Variants in KIF5C observed in about 807,000 individuals in gnomAD.
The protein encoded by KIF5C is kinesin heavy chain isoform 5C.
A neutral mutation model predicts 125.2 loss-of-function variants in KIF5C; 18 were observed. The observed-to-expected ratio is 0.14, with a 90% CI of 0.10 to 0.21. The LOEUF (loss-of-function observed/expected upper bound fraction) is 0.21. Among genes scored for constraint, KIF5C ranks in the 10% least tolerant of loss-of-function variants. The pLI is 1.00. For missense variants in KIF5C, 780 were observed against 1,183.8 expected, an observed-to-expected ratio of 0.66 and a Z score of 5.01; for synonymous variants, 405 against 434.0, an observed-to-expected ratio of 0.93 and a Z score of 0.83.
chr2:148,965,708 G>T (rs1470277141), intron 11 of KIF5C, among the ~76,000 whole-genome samples: 1 of 152,182 alleles, frequency 6.6e-6, no homozygotes, highest in African/African-American at 2.4e-5. Flanking sequence ...AGTAGCTCTT[G>T]TGACCATGAA....
intron 8 of KIF5C, 55 bp from the exon 9 acceptor site, chr2:148,949,784 T>C (rs751231072): frequency 1.7e-5 from 26 of 1,572,900 alleles, no homozygotes; most frequent in Non-Finnish European, 2.2e-5. Flanking sequence ...TTGAAATTTC[T>C]ACTTTGTGCT....
chr2:148,949,071 C>T (rs1682594316), intron 8 of KIF5C, among the ~76,000 whole-genome samples: 1 of 152,114 alleles, frequency 6.6e-6, no homozygotes, highest in Admixed American at 6.6e-5. Flanking sequence ...AGCTGCTCCC[C>T]CTGCATCGTT....
At position 148,946,930 on chromosome 2, in the gene KIF5C, T is replaced by C. The variant is rs761435414; in HGVS notation, c.621T>C (p.Ser207=). ...ATGAACACAGCTCTAGAAGTCACAG[T>C]ATCTTCCTGATAAATATTAAACAAG... ...NMNEHSSRSH[S]IFLINIKQEN... The change falls in exon 8 of 26, where the codon AGT becomes AGC. Residue 207 remains serine (S), a synonymous_variant. Coordinates refer to ENST00000435030, the MANE Select transcript of KIF5C (RefSeq NM_004522.3). 1 of 1,613,414 alleles carries C rather than the reference T, an allele frequency of 6.2e-7. No individual in the cohort carries two copies. Among genetic ancestry groups the C allele is most frequent in the South Asian group, 1.1e-5 (1 of 90,922 alleles).
intron 1 of KIF5C, chr2:148,879,699 T>C (rs1357928899): frequency 6.6e-6 from 1 of 152,228 alleles, no homozygotes; most frequent in Non-Finnish European, 1.5e-5. Flanking sequence ...GTTCTGCCTA[T>C]TGGTTTTGAA....
At chr2:148,946,098 G>A (rs1682515043) in intron 7 of KIF5C, among the ~76,000 whole-genome samples, 1 of 151,876 alleles carries the variant, frequency 6.6e-6, no homozygotes, top group Non-Finnish European at 1.5e-5. Flanking sequence ...AATTTTTTGG[G>A]TTGTTCATTG....
At chr2:148,882,480 C>T (rs752567327) in intron 1 of KIF5C, among the ~76,000 whole-genome samples, 6 of 152,170 alleles carry the variant, frequency 3.9e-5, no homozygotes, top group Non-Finnish European at 8.8e-5. Context: ...TCAGTAGGGG[C>T]ATTCCAGGCC....
intron 23 of KIF5C, among the ~76,000 whole-genome samples, chr2:149,008,642 C>A (rs1213191667): frequency 3.3e-5 from 5 of 152,210 alleles, no homozygotes; most frequent in Non-Finnish European, 5.9e-5. Context: ...TGTGTCCAAA[C>A]TCACCAGTGA....
intron 25 of KIF5C, among the ~76,000 whole-genome samples, chr2:149,017,990 G>A (rs546867061): frequency 1.3e-5 from 2 of 152,158 alleles, no homozygotes; most frequent in African/African-American, 4.8e-5. Context: ...TGGGATGCCT[G>A]TTTTTTGTGT....
chr2:148,971,917 T>C (rs1680923173), intron 11 of KIF5C, among the ~76,000 whole-genome samples: 1 of 152,148 alleles, frequency 6.6e-6, no homozygotes, highest in Admixed American at 6.5e-5. Context: ...TCTCAGTTAC[T>C]CTATTATTTA....
chr2:148,947,780 C>A, intron 8 of KIF5C: 1 of 412,130 alleles, frequency 2.4e-6, no homozygotes, highest in South Asian at 1.8e-5. Context: ...CGAGCAACAT[C>A]ATAGAGCAAG....
intron 2 of KIF5C, among the ~76,000 whole-genome samples, chr2:148,923,472 A>G (rs752679561): frequency 1.4e-4 from 21 of 152,142 alleles, no homozygotes; most frequent in Non-Finnish European, 2.5e-4. Flanking sequence ...ATGGACCTAT[A>G]TCGGGTGGTA....
chr2:149,007,147 C>A (rs750602877), intron 22 of KIF5C, among the ~76,000 whole-genome samples: 1 of 152,120 alleles, frequency 6.6e-6, no homozygotes, highest in Non-Finnish European at 1.5e-5. Flanking sequence ...CTCAACAAAC[C>A]CTCCCCTGGA....
At chr2:148,893,859 A>G (rs776701747) in intron 1 of KIF5C, among the ~76,000 whole-genome samples, 2 of 152,254 alleles carry the variant, frequency 1.3e-5, no homozygotes, top group Non-Finnish European at 2.9e-5. Context: ...AGGACTAAAG[A>G]AGCTGCCTAC....
chr2:149,003,191 G>A (rs1404631120), intron 21 of KIF5C, among the ~76,000 whole-genome samples: 2 of 152,180 alleles, frequency 1.3e-5, no homozygotes, highest in East Asian at 3.9e-4. Context: ...AATCCTCCCC[G>A]AGCCGTAAAT....
intron 11 of KIF5C, among the ~76,000 whole-genome samples, chr2:148,972,159 G>A (rs1246872894): frequency 6.6e-6 from 1 of 152,146 alleles, no homozygotes; most frequent in Non-Finnish European, 1.5e-5. Flanking sequence ...CACCATGTTA[G>A]CCAGGCTGGT....
intron 19 of KIF5C, 109 bp from the exon 20 acceptor site, chr2:149,000,314 G>A: frequency 1.5e-6 from 2 of 1,335,300 alleles, no homozygotes; most frequent in Non-Finnish European, 2.0e-6. Context: ...CAGAATTACT[G>A]CCTTTATTGT....
intron 3 of KIF5C, among the ~76,000 whole-genome samples, chr2:148,932,145 T>G (rs906389196): frequency 1.3e-5 from 2 of 152,052 alleles, no homozygotes; most frequent in African/African-American, 4.8e-5. Flanking sequence ...GGAATGCAAT[T>G]AAGTCAAAAA....
At chr2:148,915,451 A>G (rs1681507322) in intron 1 of KIF5C, among the ~76,000 whole-genome samples, 1 of 152,214 alleles carries the variant, frequency 6.6e-6, no homozygotes, top group Non-Finnish European at 1.5e-5. Context: ...ATTGCTTGGC[A>G]AGTGACCAGC....
intron 1 of KIF5C, among the ~76,000 whole-genome samples, chr2:148,892,351 C>T (rs1681728945): frequency 1.3e-5 from 2 of 152,198 alleles, no homozygotes; most frequent in Non-Finnish European, 2.9e-5. Context: ...GAGGCTGCCT[C>T]TTTGAATCAG....
Sources: allele counts gnomAD v4.1 joint callset (sites outside exome capture counted in the v4.1 genomes callset), GRCh38; gene constraint gnomAD v4.1.1; transcripts MANE v1.5; gene names NCBI Gene and HGNC (gene_info 2026-07-23, HGNC 2026-07-21).